MIER1: variants seen among roughly 807,000 people sequenced by gnomAD.
MIER1 encodes mesoderm induction early response protein 1.
A neutral mutation model predicts 75.7 loss-of-function variants in MIER1; 40 were observed. The observed-to-expected ratio is 0.53, with a 90% confidence interval of 0.41 to 0.69. The LOEUF (loss-of-function observed/expected upper bound fraction) is 0.69, where lower values mean the gene tolerates loss of function less well. Among genes scored for constraint, MIER1 ranks in the 30% least tolerant of loss-of-function variants. MIER1 has a pLI of 0.00. For missense variants in MIER1, 574 were observed against 680.2 expected (o/e 0.84, Z 1.74); for synonymous variants, 213 against 223.4 (o/e 0.95, Z 0.42).
chr1:66,963,794 G>T (rs1181873799), intron 8 of MIER1, among the ~76,000 whole-genome samples: 1 of 151,948 alleles, frequency 6.6e-6, no homozygotes, highest in Non-Finnish European at 1.5e-5. Context: ...TGTAATCCCA[G>T]CTACTCAGGA....
At chr1:66,939,962 T>C (rs967912792) in intron 2 of MIER1, 66 bp from the exon 3 acceptor site, 1 of 1,269,178 alleles carries the variant, frequency 7.9e-7, no homozygotes, top group Non-Finnish European at 1.1e-6. Context: ...TTGAATAATT[T>C]CGGTAATGTT....
rs113506902 is a variant in MIER1, at chr1:66,981,762, G to GT, written c.1230-13dup. 4.2e-4 allele frequency: 660 copies of GT among 1,566,402 alleles called. 6 individuals carry two copies. In the African/African-American group the frequency reaches 8.2e-3, roughly 19 times the overall value. On this transcript the variant is annotated splice_polypyrimidine_tract_variant and intron_variant, in intron 12 of 13. Transcript: ENST00000401041. Reference sequence around the variant, plus strand: ...TTCAGCTCTTTTTAATATAAAAATTGTTTTATTAATTTTAAGGGATTACAT... The same window carrying GT: ...TTCAGCTCTTTTTAATATAAAAATTGTTTTTATTAATTTTAAGGGATTACAT...
chr1:66,985,012 A>G lies in MIER1; in HGVS notation c.*112A>G, dbSNP rs949970106. ...TCCTTGAAGCAGTTTGAAAATTTGA[A>G]TTGAGTCTTAACTTTAGGAAATGAG... is the stretch of plus-strand genomic sequence containing the variant. On this transcript the variant is annotated 3_prime_UTR_variant, in exon 14 of 14. Transcript: ENST00000401041. 1.4e-6 allele frequency: 2 copies of G among 1,422,000 alleles called. No homozygotes were observed. The highest frequency in any genetic ancestry group is 2.9e-5 in the African/African-American group (2 of 68,662). The allele number at this position is 1,422,000 out of a possible 1,614,324, so 88.1% of individuals were successfully genotyped here.
Position 66,985,481 on chromosome 1 carries a change from G to A in MIER1, c.*581G>A. 1 of 983,106 alleles carries A rather than the reference G, an allele frequency of 1.0e-6. No individual in the cohort carries two copies. 60.9% of individuals were successfully genotyped at this position (983,106 alleles called of 1,614,324 possible). A position where few individuals can be genotyped will look rare whatever the true frequency, so the allele number is the denominator to read the frequency against. ...TTTAAAAATAAACCAGGTCAGGTTTGTATATGTAAAATTGTTGACATCAAT... is the reference window on the plus strand; with the variant it reads ...TTTAAAAATAAACCAGGTCAGGTTTATATATGTAAAATTGTTGACATCAAT... On this transcript the variant is annotated 3_prime_UTR_variant, in exon 14 of 14. Transcript: ENST00000401041.
intron 1 of MIER1, chr1:66,925,447 C>T: frequency 1.0e-6 from 1 of 985,458 alleles, no homozygotes; most frequent in Non-Finnish European, 1.2e-6. Flanking sequence ...AAGCTGACCA[C>T]CCTGCTGTGG....
chr1:66,983,615 ATTTAC>A lies in MIER1; in HGVS notation c.1370-954_1370-950del, dbSNP rs776268381. ...TGTATTTACTTTTTAAGTAATTTGT[ATTTAC>A]TTAAGTAAATAATTTAGCACTTTCA... On this transcript the variant is annotated intron_variant, in intron 13 of 13. Coordinates refer to ENST00000401041, the MANE Select transcript of MIER1 (RefSeq NM_001077700.3). 5.3e-5 allele frequency among the ~76,000 whole-genome samples: 8 copies of A among 151,442 alleles called. No homozygotes were observed. In the Middle Eastern group the frequency reaches 0.017, roughly 324 times the overall value.
At chr1:66,930,479 G>A (rs1400885834) in intron 2 of MIER1, 10 of 1,436,438 alleles carry the variant, frequency 7.0e-6, no homozygotes, top group Non-Finnish European at 9.5e-6. Flanking sequence ...GAGTGGGCCT[G>A]GCCAGGAGAG....
In MIER1 at chr1:66,981,519, A is replaced by G. The variant is rs536602821; in HGVS notation, c.1230-260A>G. On this transcript the variant is annotated intron_variant, in intron 12 of 13. Coordinates refer to ENST00000401041, the MANE Select transcript of MIER1 (RefSeq NM_001077700.3). ...GTTGGGCCACTCTGAGCACCTGCCTACAACTTTACAAGCTTTAAAATTTCC... is the reference window on the plus strand; with the variant it reads ...GTTGGGCCACTCTGAGCACCTGCCTGCAACTTTACAAGCTTTAAAATTTCC... Among the ~76,000 whole-genome samples the G allele has an allele frequency of 4.6e-5, 7 of 152,300 alleles. 1 individual carries two copies. The highest frequency in any genetic ancestry group is 4.6e-4 in the Admixed American group (7 of 15,300).
intron 2 of MIER1, chr1:66,930,442 C>A (rs1216770370): frequency 1.3e-5 from 20 of 1,599,644 alleles, no homozygotes; most frequent in Non-Finnish European, 1.4e-5. Flanking sequence ...GAGCCGGGCG[C>A]CCCCGGCCCT....
chr1:66,974,698 G>C (rs1174141545), intron 11 of MIER1, among the ~76,000 whole-genome samples: 1 of 152,034 alleles, frequency 6.6e-6, no homozygotes, highest in African/African-American at 2.4e-5. Flanking sequence ...ATGTTACAAG[G>C]TAGAAGTCAG....
rs1472756436 is a variant in MIER1, at chr1:66,988,368, A to G, written c.*3468A>G. 6.6e-6 allele frequency: 1 copy of G among 152,370 alleles called. No homozygotes were observed. The highest frequency in any genetic ancestry group is 1.5e-5 in the Non-Finnish European group (1 of 68,040). The allele number at this position is 152,370 out of a possible 1,614,324, so 9.4% of individuals were successfully genotyped here. On this transcript the variant is annotated 3_prime_UTR_variant, in exon 14 of 14. Transcript: ENST00000401041. ...TCAAGTTCATCCTTTGCAGAATCTT[A>G]AAGGGTTTTCCACACATCCATCCAC...
chr1:66,972,235 C>T (rs12755763), intron 10 of MIER1, among the ~76,000 whole-genome samples: 23 of 63,720 alleles, frequency 3.6e-4, no homozygotes, highest in African/African-American at 8.8e-4. Context: ...ATATACACTA[C>T]ATATATATAT....
At chr1:66,982,509 A>C (rs1666101692) in intron 13 of MIER1, among the ~76,000 whole-genome samples, 1 of 152,240 alleles carries the variant, frequency 6.6e-6, no homozygotes, top group African/African-American at 2.4e-5. Context: ...AGTGGACCAG[A>C]GATCACTGTG....
chr1:66,946,104 T>TTAATA, intron 3 of MIER1, 46 bp from the exon 4 acceptor site: 1 of 1,541,574 alleles, frequency 6.5e-7, no homozygotes, highest in Non-Finnish European at 8.7e-7. Context: ...ATTAATAAGA[T>TTAATA]CCACTTAATT....
At chr1:66,952,343 A>C (rs1163526763) in intron 4 of MIER1, among the ~76,000 whole-genome samples, 2 of 152,228 alleles carry the variant, frequency 1.3e-5, no homozygotes, top group African/African-American at 4.8e-5. Flanking sequence ...AGGCCCTGGT[A>C]CAATAGTATA....
chr1:66,928,738 C>T (rs1449633524), intron 2 of MIER1: 2 of 534,870 alleles, frequency 3.7e-6, no homozygotes, highest in Admixed American at 7.0e-5. Flanking sequence ...AATATTTATT[C>T]CCCCAAGGAA....
rs1653183846 is a variant in MIER1, at chr1:66,931,037, AC to A, written c.168+4797del. ...CTGAGCTGCTTTTCCACCTCCCCCC[AC>A]CACCTTCACTTTCCAGGCTTCCCCC... On this transcript the variant is annotated intron_variant, in intron 2 of 13. Coordinates refer to ENST00000401041, the MANE Select transcript of MIER1 (RefSeq NM_001077700.3). Among the ~76,000 whole-genome samples the A allele has an allele frequency of 3.9e-5, 3 of 77,624 alleles. No homozygotes were observed. In the South Asian group the frequency reaches 1.4e-3, roughly 35 times the overall value. The allele number at this position is 77,624 out of a possible 152,430, so 50.9% of individuals were successfully genotyped here.
intron 4 of MIER1, among the ~76,000 whole-genome samples, chr1:66,949,617 C>G (rs1658456962): frequency 6.6e-6 from 1 of 152,144 alleles, no homozygotes; most frequent in Non-Finnish European, 1.5e-5. Context: ...TAACCTGAAG[C>G]TAAGCAATAT....
chr1:66,933,386 T>C (rs1653923751), intron 2 of MIER1, among the ~76,000 whole-genome samples: 1 of 152,196 alleles, frequency 6.6e-6, no homozygotes, highest in Admixed American at 6.5e-5. Context: ...GACCTGTCTT[T>C]TCACCTAGGC....
Sources: allele counts gnomAD v4.1 joint callset (sites outside exome capture counted in the v4.1 genomes callset), GRCh38; gene constraint gnomAD v4.1.1; transcripts MANE v1.5; gene names NCBI Gene and HGNC (gene_info 2026-07-23, HGNC 2026-07-21).